RPA3: variants seen among roughly 807,000 people sequenced by gnomAD.
RPA3 encodes the protein replication protein A 14 kDa subunit.
RPA3 carries 24 observed loss-of-function variants against 13.7 expected under a neutral mutation model. The ratio of observed to expected loss-of-function variants is 1.75; its 90% CI spans 1.27 to 2.46. The LOEUF is 2.46. Ranked by LOEUF, RPA3 falls within the 30% of genes most tolerant of loss-of-function variation. The pLI is 0.00. For synonymous variants in RPA3, 59 were observed against 51.2 expected (o/e 1.15, Z -0.65); for missense variants, 183 against 151.0 (o/e 1.21, Z -1.11).
At chr7:7,672,857 G>A (rs1460307271) in intron 4 of RPA3, among the ~76,000 whole-genome samples, 2 of 152,158 alleles carry the variant, frequency 1.3e-5, no homozygotes, top group African/African-American at 4.8e-5. Context: ...CATCAGTAGG[G>A]GATGTTTGAT....
At chr7:7,640,183 A>G (rs921239447) in intron 5 of RPA3, 137 bp downstream of exon 5, 1 of 921,066 alleles carries the variant, frequency 1.1e-6, no homozygotes. Flanking sequence ...GAATTTCCAA[A>G]AAGTTCCTTG....
At chr7:7,677,856 G>A (rs1341691902) in intron 4 of RPA3, among the ~76,000 whole-genome samples, 2 of 150,918 alleles carry the variant, frequency 1.3e-5, no homozygotes, top group African/African-American at 4.9e-5. Context: ...TGTATTTTTA[G>A]TAGAGACGGG....
chr7:7,706,263 C>G (rs1297863840), intron 2 of RPA3, among the ~76,000 whole-genome samples: 1 of 152,074 alleles, frequency 6.6e-6, no homozygotes, highest in African/African-American at 2.4e-5. Context: ...CAAAAAGAGT[C>G]TAAAAATTAT....
intron 4 of RPA3, among the ~76,000 whole-genome samples, chr7:7,659,484 C>T (rs909838820): frequency 5.3e-5 from 8 of 152,160 alleles, no homozygotes; most frequent in African/African-American, 1.9e-4. Flanking sequence ...AGATGTGTCC[C>T]AGGGATTCTG....
chr7:7,708,610 GAC>G (rs1174115766), intron 2 of RPA3, among the ~76,000 whole-genome samples: 1 of 152,122 alleles, frequency 6.6e-6, no homozygotes, highest in African/African-American at 2.4e-5. Context: ...GTCCTTTTGG[GAC>G]AGACCTCAAA....
At chr7:7,689,963 A>G (rs1017756441) in intron 2 of RPA3, among the ~76,000 whole-genome samples, 3 of 152,146 alleles carry the variant, frequency 2.0e-5, no homozygotes, top group African/African-American at 7.2e-5. Flanking sequence ...AGGTGTTTTT[A>G]CTGTGTTTTA....
chr7:7,699,046 G>T (rs1268054526), intron 2 of RPA3, among the ~76,000 whole-genome samples: 1 of 123,062 alleles, frequency 8.1e-6, no homozygotes, highest in Non-Finnish European at 1.8e-5. Flanking sequence ...GTGTGTGTGT[G>T]TGTGGGGGGG....
At chr7:7,685,603 C>T (rs1169532471) in intron 4 of RPA3, among the ~76,000 whole-genome samples, 10 of 152,238 alleles carry the variant, frequency 6.6e-5, no homozygotes, top group African/African-American at 1.9e-4. Flanking sequence ...CCACCGTGCC[C>T]GGCCACATTA....
chr7:7,648,191 G>A (rs1383754793), intron 4 of RPA3, among the ~76,000 whole-genome samples: 2 of 152,152 alleles, frequency 1.3e-5, no homozygotes, highest in African/African-American at 2.4e-5. Flanking sequence ...ATTTCCATTA[G>A]GACTTAATTG....
chr7:7,636,682 CAT>C lies in RPA3; in HGVS notation c.*316_*317del, dbSNP rs1189596075. 1 of 218,318 alleles carries C rather than the reference CAT, an allele frequency of 4.6e-6. No individual in the cohort carries two copies. The highest frequency in any genetic ancestry group is 8.9e-6 in the Non-Finnish European group (1 of 111,856). The allele number at this position is 218,318 out of a possible 1,614,324, so 13.5% of individuals were successfully genotyped here. On this transcript the variant is annotated 3_prime_UTR_variant, in exon 8 of 8. Coordinates refer to ENST00000223129, the MANE Select transcript of RPA3 (RefSeq NM_002947.5). ...GAAATTTCAAGTTTGTGCTTGAATACATGATTAAAAGAATGAAAATGAAATGA... is the reference window on the plus strand; with the variant it reads ...GAAATTTCAAGTTTGTGCTTGAATACGATTAAAAGAATGAAAATGAAATGA...
intron 3 of RPA3, among the ~76,000 whole-genome samples, chr7:7,686,571 C>T (rs982984940): frequency 2.0e-5 from 3 of 152,106 alleles, no homozygotes; most frequent in East Asian, 1.9e-4. Flanking sequence ...TATACTCATA[C>T]GAGGTTGACA....
intron 2 of RPA3, among the ~76,000 whole-genome samples, chr7:7,701,384 CA>C (rs1780459354): frequency 6.7e-6 from 1 of 149,864 alleles, no homozygotes; most frequent in Non-Finnish European, 1.5e-5. Context: ...AAGCACACTA[CA>C]GACAATCTAT....
intron 2 of RPA3, among the ~76,000 whole-genome samples, chr7:7,701,829 C>T (rs1436812009): frequency 6.6e-6 from 1 of 152,152 alleles, no homozygotes; most frequent in Non-Finnish European, 1.5e-5. Context: ...ACTGTCTGCC[C>T]TCTGAGGATG....
chr7:7,714,943 A>AAAC (rs920648661), intron 2 of RPA3, among the ~76,000 whole-genome samples: 92 of 151,530 alleles, frequency 6.1e-4, no homozygotes, highest in African/African-American at 8.7e-4. Flanking sequence ...CACTAGAATT[A>AAAC]AACAACAACA....
intron 4 of RPA3, among the ~76,000 whole-genome samples, chr7:7,668,457 A>G (rs577009562): frequency 1.3e-5 from 2 of 152,304 alleles, no homozygotes; most frequent in Admixed American, 6.5e-5. Flanking sequence ...ATATTGTTAT[A>G]GTTCTATTTT....
intron 2 of RPA3, among the ~76,000 whole-genome samples, chr7:7,698,930 C>A (rs547330012): frequency 1.3e-5 from 2 of 149,640 alleles, no homozygotes; most frequent in African/African-American, 2.5e-5. Context: ...TAACAGCTCA[C>A]TGAAGTCTCG....
chr7:7,668,797 A>G lies in RPA3; in HGVS notation c.-758+17033T>C, dbSNP rs145460670. Among the ~76,000 whole-genome samples, 374 of 152,314 alleles carry G rather than the reference A, an allele frequency of 2.5e-3. 1 individual carries two copies. The highest frequency in any genetic ancestry group is 6.8e-3 in the Middle Eastern group (2 of 294). On this transcript the variant is annotated intron_variant, in intron 4 of 7. Transcript: ENST00000223129. ...AACAAGTAAGATAATTATTTACCCA[A>G]TTATTCTAGTTAAGTGCTACAGCTG...
intron 4 of RPA3, among the ~76,000 whole-genome samples, chr7:7,665,014 TACAC>T (rs563963870): frequency 1.4e-5 from 2 of 148,058 alleles, no homozygotes; most frequent in Middle Eastern, 3.7e-3. Flanking sequence ...TATATATATA[TACAC>T]ACACACACAC....
intron 4 of RPA3, among the ~76,000 whole-genome samples, chr7:7,668,975 CT>C (rs1779538053): frequency 6.6e-6 from 1 of 152,092 alleles, no homozygotes; most frequent in Non-Finnish European, 1.5e-5. Context: ...ATGGACATAG[CT>C]TTGGGATGTG....
Sources: gnomAD v4.1 joint callset for allele counts (sites outside exome capture counted in the v4.1 genomes callset) on GRCh38, gnomAD v4.1.1 for gene constraint, MANE v1.5 for transcripts, NCBI Gene and HGNC (gene_info 2026-07-23, HGNC 2026-07-21) for gene names.